Variants in FSTL4 observed in about 807,000 individuals in gnomAD.
FSTL4 encodes the protein follistatin like 4.
FSTL4 carries 28 observed loss-of-function variants against 78.2 expected under a neutral mutation model. That is an observed-to-expected ratio of 0.36 (90% CI 0.27 to 0.49). The LOEUF (loss-of-function observed/expected upper bound fraction) is 0.49. FSTL4 is among the 20% of genes least tolerant of loss of function. FSTL4 has a pLI of 0.98. For missense variants in FSTL4, 922 were observed against 1,084.9 expected (o/e 0.85, Z 2.11); for synonymous variants, 422 against 440.5 (o/e 0.96, Z 0.53).
At chr5:133,273,939 C>T (rs1752823147) in intron 6 of FSTL4, among the ~76,000 whole-genome samples, 1 of 152,166 alleles carries the variant, frequency 6.6e-6, no homozygotes. Flanking sequence ...GATTACTGAG[C>T]TCAGAGAGTC....
intron 3 of FSTL4, among the ~76,000 whole-genome samples, chr5:133,430,731 C>T (rs1756916257): frequency 6.6e-6 from 1 of 152,210 alleles, no homozygotes; most frequent in Non-Finnish European, 1.5e-5. Context: ...AGACACAAAA[C>T]ACTGGTGATA....
intron 4 of FSTL4, among the ~76,000 whole-genome samples, chr5:133,366,037 C>T (rs921956384): frequency 2.0e-5 from 3 of 152,206 alleles, no homozygotes; most frequent in African/African-American, 4.8e-5. Flanking sequence ...TTGTCATCCA[C>T]AAGGCCCCAC....
intron 3 of FSTL4, among the ~76,000 whole-genome samples, chr5:133,556,971 C>T (rs1759800765): frequency 6.6e-6 from 1 of 152,166 alleles, no homozygotes; most frequent in African/African-American, 2.4e-5. Context: ...TGTGCTTTGG[C>T]TAAAGTGCTA....
intron 2 of FSTL4, among the ~76,000 whole-genome samples, chr5:133,597,906 C>G: frequency 6.6e-6 from 1 of 152,084 alleles, no homozygotes; most frequent in East Asian, 1.9e-4. Context: ...GGGGTGTGGG[C>G]TAAGCCTCAG....
At chr5:133,475,611 G>T (rs1227273783) in intron 3 of FSTL4, among the ~76,000 whole-genome samples, 1 of 152,222 alleles carries the variant, frequency 6.6e-6, no homozygotes, top group Non-Finnish European at 1.5e-5. Context: ...TGCTGGCAAA[G>T]TCTCAGGTGC....
intron 7 of FSTL4, among the ~76,000 whole-genome samples, chr5:133,233,855 C>T (rs967531213): frequency 2.0e-5 from 3 of 152,214 alleles, no homozygotes; most frequent in Non-Finnish European, 4.4e-5. Context: ...CGTGTCCCCC[C>T]ATTTACCGGC....
intron 2 of FSTL4, among the ~76,000 whole-genome samples, chr5:133,603,335 A>C (rs2047651560): frequency 6.6e-6 from 1 of 152,168 alleles, no homozygotes; most frequent in African/African-American, 2.4e-5. Flanking sequence ...GCACTTTAGA[A>C]GCATTTATAT....
At chr5:133,503,101 C>T (rs956174370) in intron 3 of FSTL4, among the ~76,000 whole-genome samples, 3 of 152,192 alleles carry the variant, frequency 2.0e-5, no homozygotes, top group South Asian at 4.1e-4. Flanking sequence ...TTTGCTTACT[C>T]GCTCATTAGC....
the FSTL4 span, among the ~76,000 whole-genome samples, chr5:133,679,510 A>G: frequency 6.6e-6 from 1 of 152,052 alleles, no homozygotes; most frequent in Non-Finnish European, 1.5e-5. Flanking sequence ...TGGGTACCCA[A>G]ACTCCTGAAA....
At position 133,403,587 on chromosome 5, in the gene FSTL4, T is replaced by C. The variant is rs150726567; in HGVS notation, c.161-2601A>G. Among the ~76,000 whole-genome samples, 948 of 152,238 alleles carry C rather than the reference T, an allele frequency of 6.2e-3. 13 individuals are homozygous for C. Among genetic ancestry groups the C allele is most frequent in the African/African-American group, 0.022 (896 of 41,550 alleles). On this transcript the variant is annotated intron_variant, in intron 3 of 15. Coordinates refer to ENST00000265342, the MANE Select transcript of FSTL4 (RefSeq NM_015082.2). ...TAAGAAGCCAGGCTAGGGGCTCGGATGGGGAGGGTGGTGAAGCCTCACATG... is the reference window on the plus strand; with the variant it reads ...TAAGAAGCCAGGCTAGGGGCTCGGACGGGGAGGGTGGTGAAGCCTCACATG...
intron 3 of FSTL4, among the ~76,000 whole-genome samples, chr5:133,465,330 T>C (rs528746283): frequency 1.1e-4 from 17 of 152,310 alleles, no homozygotes; most frequent in African/African-American, 4.1e-4. Flanking sequence ...ATTTAACCCA[T>C]ATTAGTCTCC....
Position 133,209,386 on chromosome 5 carries a change from TG to T in FSTL4, c.1716+804del, listed in dbSNP as rs553707674. 7.9e-5 allele frequency among the ~76,000 whole-genome samples: 12 copies of T among 152,286 alleles called. No homozygotes were observed. The East Asian group carries it at 2.3e-3, about 29-fold the overall frequency. ...GCTCCATTTGCAGCCCTTCTCACCTTGGGTTCTGAGAGAGAGAGAGAGAGAC... is the reference window on the plus strand; with the variant it reads ...GCTCCATTTGCAGCCCTTCTCACCTTGGTTCTGAGAGAGAGAGAGAGAGAC... On this transcript the variant is annotated intron_variant, in intron 14 of 15. Coordinates refer to ENST00000265342, the MANE Select transcript of FSTL4 (RefSeq NM_015082.2).
intron 6 of FSTL4, among the ~76,000 whole-genome samples, chr5:133,282,353 TA>T (rs1753028754): frequency 6.6e-6 from 1 of 151,832 alleles, no homozygotes; most frequent in Non-Finnish European, 1.5e-5. Flanking sequence ...GTCTTCCTGG[TA>T]GATCCTTGCA....
intron 6 of FSTL4, among the ~76,000 whole-genome samples, chr5:133,288,859 TTGAGAATTATTCCTCGGTTACAGGAAAAC>T (rs375049112): frequency 0.026 from 4,008 of 152,308 alleles, 185 homozygotes; most frequent in African/African-American, 0.091. Context: ...CATGTCCACC[TTGAGAATTATTCCTCGGTTACAGGAAAAC>T]TGTCTGCTCT....
At chr5:133,229,888 A>C (rs1173646196) in intron 8 of FSTL4, among the ~76,000 whole-genome samples, 4 of 152,144 alleles carry the variant, frequency 2.6e-5, no homozygotes, top group Non-Finnish European at 5.9e-5. Context: ...TGTCTGGGGG[A>C]AGTGATTCAA....
the FSTL4 span, among the ~76,000 whole-genome samples, chr5:133,794,950 A>G: frequency 1.3e-5 from 2 of 152,148 alleles, no homozygotes; most frequent in South Asian, 2.1e-4. Context: ...TCCTCCCTCT[A>G]AGCCTGGGGG....
At chr5:133,685,964 C>T in the FSTL4 span, among the ~76,000 whole-genome samples, 2 of 152,226 alleles carry the variant, frequency 1.3e-5, no homozygotes, top group African/African-American at 4.8e-5. Flanking sequence ...TGGCAAGTGG[C>T]ACGGTTGTCA....
chr5:133,424,938 C>T (rs1041179163), intron 3 of FSTL4, among the ~76,000 whole-genome samples: 2 of 152,216 alleles, frequency 1.3e-5, no homozygotes, highest in African/African-American at 4.8e-5. Context: ...TTCCTCCCTT[C>T]CCATCAAATA....
intron 4 of FSTL4, among the ~76,000 whole-genome samples, chr5:133,366,255 C>G (rs1019892492): frequency 6.6e-6 from 1 of 152,196 alleles, no homozygotes; most frequent in Non-Finnish European, 1.5e-5. Flanking sequence ...CAGCTCTCAT[C>G]TCAAATGTCA....
Sources: gnomAD v4.1 joint callset for allele counts (sites outside exome capture counted in the v4.1 genomes callset) on GRCh38, gnomAD v4.1.1 for gene constraint, MANE v1.5 for transcripts, NCBI Gene and HGNC (gene_info 2026-07-23, HGNC 2026-07-21) for gene names.